Variants in ZMIZ2 observed in about 807,000 individuals in gnomAD.
The protein encoded by ZMIZ2 is zinc finger MIZ-type containing 2, also known as zinc finger MIZ domain-containing protein 2.
Under a neutral mutation model 93.9 loss-of-function variants are expected in ZMIZ2, and 26 were observed. The ratio of observed to expected loss-of-function variants is 0.28; its 90% confidence interval spans 0.20 to 0.38. ZMIZ2 has a LOEUF of 0.38. Among genes scored for constraint, ZMIZ2 ranks in the 10% least tolerant of loss-of-function variants. The pLI is 1.00. For missense variants in ZMIZ2, 1,023 were observed against 1,235.0 expected (o/e 0.83, Z 2.57); for synonymous variants, 485 against 516.4 (o/e 0.94, Z 0.82).
At chr7:44,752,128 C>T (rs997097646) in intron 1 of ZMIZ2, among the ~76,000 whole-genome samples, 5 of 151,070 alleles carry the variant, frequency 3.3e-5, no homozygotes, top group Non-Finnish European at 5.9e-5. Flanking sequence ...CAGCCTGTTG[C>T]CTTCTATTTT....
Position 44,766,646 on chromosome 7 carries a change from C to G in ZMIZ2, c.2638C>G (p.Pro880Ala). Residue 880 changes from proline (P) to alanine (A), a missense_variant, in exon 18 of 19, where the codon CCA (proline) becomes GCA (alanine). Around this residue, in one of 3 missense-constraint regions of ZMIZ2, gnomAD observed 319 missense variants for 358.8 expected, o/e 0.89. Transcript: ENST00000309315. This position sits in a 1 kb window ranked among gnomAD's most constrained non-coding sequence, Gnocchi z 4.4. Reference protein sequence around the residue: ...PPSMSGAGEAPEPALDLLPEL... With the variant: ...PPSMSGAGEAAEPALDLLPEL... ...CAGCATGTCTGGAGCCGGGGAGGCC[C>G]CAGAACCAGCTCTGGACGTGAGTAC... The G allele has an allele frequency of 1.2e-6, 2 of 1,613,100 alleles. No individual in the cohort carries two copies. The highest frequency in any genetic ancestry group is 1.7e-6 in the Non-Finnish European group (2 of 1,179,990).
At chr7:44,758,463 C>A (rs1262919182) in intron 6 of ZMIZ2, among the ~76,000 whole-genome samples, 1 of 149,112 alleles carries the variant, frequency 6.7e-6, no homozygotes, top group African/African-American at 2.5e-5. Flanking sequence ...AGGAGTGAGA[C>A]CCTGTTTCAA....
chr7:44,762,321 G>A (rs1207709191), intron 11 of ZMIZ2, among the ~76,000 whole-genome samples: 1 of 152,214 alleles, frequency 6.6e-6, no homozygotes, highest in East Asian at 1.9e-4. Context: ...TTATGTAAGA[G>A]AAACCAGGAT....
intron 1 of ZMIZ2, chr7:44,751,099 C>T (rs1451078555): frequency 1.3e-5 from 2 of 152,332 alleles, no homozygotes; most frequent in South Asian, 2.1e-4. Flanking sequence ...AGAGTAAGCT[C>T]AGAGGGAACT....
intron 1 of ZMIZ2, among the ~76,000 whole-genome samples, chr7:44,755,496 G>T (rs1177385334): frequency 6.6e-6 from 1 of 152,170 alleles, no homozygotes; most frequent in African/African-American, 2.4e-5. Flanking sequence ...CCTAAAGAGG[G>T]CCTTCTTGTT....
At chr7:44,764,759 C>T (rs1213580142) in intron 14 of ZMIZ2, among the ~76,000 whole-genome samples, 182 bp from the exon 15 acceptor site, 1 of 152,212 alleles carries the variant, frequency 6.6e-6, no homozygotes. Context: ...GTCAGTCACA[C>T]AGGGTCACCT....
Position 44,763,480 on chromosome 7 carries a change from G to T in ZMIZ2, c.1860+67G>T. Reference sequence around the variant, plus strand: ...TAAAATATCTTGAGTCGATACATCAGTGTCATTCTCTGGACAGACGTGAAC... The same window carrying T: ...TAAAATATCTTGAGTCGATACATCATTGTCATTCTCTGGACAGACGTGAAC... On this transcript the variant is annotated intron_variant, in intron 13 of 18. Coordinates refer to ENST00000309315, the MANE Select transcript of ZMIZ2 (RefSeq NM_031449.4). This position sits in a 1 kb window ranked among gnomAD's most constrained non-coding sequence, Gnocchi z 5.6. 6.3e-7 allele frequency: 1 copy of T among 1,588,618 alleles called. No individual in the cohort carries two copies.
At chr7:44,758,285 G>A (rs944379510) in intron 6 of ZMIZ2, among the ~76,000 whole-genome samples, 177 bp downstream of exon 6, 2 of 152,108 alleles carry the variant, frequency 1.3e-5, no homozygotes, top group African/African-American at 2.4e-5. Flanking sequence ...TTTGAGACCA[G>A]CCTGGGCAAC....
At chr7:44,759,062 A>G (rs1790887943) in intron 6 of ZMIZ2, among the ~76,000 whole-genome samples, 1 of 148,838 alleles carries the variant, frequency 6.7e-6, no homozygotes, top group African/African-American at 2.5e-5. Context: ...AGCCTGGGCA[A>G]CAGAGTGAGA....
Position 44,763,180 on chromosome 7 carries a change from G to T in ZMIZ2, c.1703-76G>T. On this transcript the variant is annotated intron_variant, in intron 12 of 18. Coordinates refer to ENST00000309315, the MANE Select transcript of ZMIZ2 (RefSeq NM_031449.4). This position sits in a 1 kb window ranked among gnomAD's most constrained non-coding sequence, Gnocchi z 5.6. ...TCAGTGGGTCAGTGACTGGGTCCCT[G>T]CCTCGTTGGCATCCCCATTCACACC... The T allele has an allele frequency of 6.4e-7, 1 of 1,570,966 alleles. No individual in the cohort carries two copies.
chr7:44,754,184 T>C (rs1231114828), intron 1 of ZMIZ2, among the ~76,000 whole-genome samples: 5 of 152,216 alleles, frequency 3.3e-5, no homozygotes, highest in Non-Finnish European at 7.3e-5. Flanking sequence ...AACATCACTA[T>C]TCCTGAGTCA....
Position 44,763,567 on chromosome 7 carries a change from C to G in ZMIZ2, c.1860+154C>G. 2.0e-6 allele frequency: 2 copies of G among 1,017,682 alleles called. No individual in the cohort carries two copies. The highest frequency in any genetic ancestry group is 2.8e-6 in the Non-Finnish European group (2 of 708,064). The allele number at this position is 1,017,682 out of a possible 1,614,324, so 63.0% of individuals were successfully genotyped here. ...CTCCCACGCCAAGGAGGCAGGTGGG[C>G]CTGGCTCCCCCAAGACTAGGCTATT... On this transcript the variant is annotated intron_variant, in intron 13 of 18. Coordinates refer to ENST00000309315, the MANE Select transcript of ZMIZ2 (RefSeq NM_031449.4). The surrounding 1 kb of genome is among the most constrained non-coding windows in gnomAD (Gnocchi z 5.6).
Position 44,763,123 on chromosome 7 carries a change from A to C in ZMIZ2, c.1703-133A>C. On this transcript the variant is annotated intron_variant, in intron 12 of 18. Coordinates refer to ENST00000309315, the MANE Select transcript of ZMIZ2 (RefSeq NM_031449.4). The surrounding 1 kb of genome is among the most constrained non-coding windows in gnomAD (Gnocchi z 5.6). ...GGACAGGTGGCTCTGCAGTAGGGGC[A>C]GTGGTTAGTTCCAGGTGGCCCCTCA... The C allele has an allele frequency of 6.9e-7, 1 of 1,440,198 alleles. No individual in the cohort carries two copies. The highest frequency in any genetic ancestry group is 9.5e-7 in the Non-Finnish European group (1 of 1,047,948). The allele number at this position is 1,440,198 out of a possible 1,614,324, so 89.2% of individuals were successfully genotyped here.
chr7:44,765,607 TCA>T lies in ZMIZ2; in HGVS notation c.2242+29_2242+30del. ...AAGTACAGCAGGCTAGCCTTGAACCTCAGATGACCCTGGGCATATGGCTCCTC... is the reference window on the plus strand; with the variant it reads ...AAGTACAGCAGGCTAGCCTTGAACCTGATGACCCTGGGCATATGGCTCCTC... On this transcript the variant is annotated intron_variant, in intron 16 of 18. Coordinates refer to ENST00000309315, the MANE Select transcript of ZMIZ2 (RefSeq NM_031449.4). This position sits in a 1 kb window ranked among gnomAD's most constrained non-coding sequence, Gnocchi z 4.1. The T allele has an allele frequency of 6.4e-7, 1 of 1,552,012 alleles. No homozygotes were observed. The highest frequency in any genetic ancestry group is 1.5e-5 in the African/African-American group (1 of 67,892).
intron 13 of ZMIZ2, among the ~76,000 whole-genome samples, chr7:44,764,143 C>A (rs1791466249): frequency 1.3e-5 from 2 of 152,062 alleles, no homozygotes; most frequent in Non-Finnish European, 2.9e-5. Context: ...TGTCTCGAAA[C>A]AAAACAAAAA....
chr7:44,749,677 C>A (rs1386234933), intron 1 of ZMIZ2: 1 of 152,620 alleles, frequency 6.6e-6, no homozygotes. Context: ...CCTTGTTTAC[C>A]CCTCCACCTA....
chr7:44,762,779 C>G lies in ZMIZ2; in HGVS notation c.1597-102C>G, dbSNP rs536684405. 8 of 802,118 alleles carry G rather than the reference C, an allele frequency of 1.0e-5. No homozygotes were observed. The Admixed American group carries it at 1.4e-4, about 14-fold the overall frequency. The allele number at this position is 802,118 out of a possible 1,614,324, so 49.7% of individuals were successfully genotyped here. A position where few individuals can be genotyped will look rare whatever the true frequency, so the allele number is the denominator to read the frequency against. On this transcript the variant is annotated intron_variant, in intron 11 of 18. Transcript: ENST00000309315. ...CCTGCCCTCAGCCTTGTCCCTCCCC[C>G]ACCTGGCAGCCCCTGACACACAACC...
Position 44,766,537 on chromosome 7 carries a change from G to A in ZMIZ2, c.2529G>A (p.Ala843=), listed in dbSNP as rs371215181. Residue 843 remains alanine, a synonymous_variant, in exon 18 of 19, where the codon GCG becomes GCA. Transcript: ENST00000309315. The surrounding 1 kb of genome is among the most constrained non-coding windows in gnomAD (Gnocchi z 4.4). ...TGCACCATTCAAACCCTCCCCCAGC[G>A]TCCCGGCAGTCCTTGGGCCAAGCGA... is the stretch of plus-strand genomic sequence containing the variant. The part of the protein sequence containing the change: ...PQLHHSNPPP[A]SRQSLGQASL... The A allele has an allele frequency of 1.6e-5, 26 of 1,614,040 alleles. No individual in the cohort carries two copies. Among genetic ancestry groups the A allele is most frequent in the Admixed American group, 5.0e-5 (3 of 60,024 alleles).
At position 44,763,276 on chromosome 7, in the gene ZMIZ2, G is replaced by C. The variant is rs758713337; in HGVS notation, c.1723G>C (p.Gly575Arg). The C allele has an allele frequency of 2.5e-6, 4 of 1,613,808 alleles. No individual in the cohort carries two copies. The highest frequency in any genetic ancestry group is 3.4e-6 in the Non-Finnish European group (4 of 1,179,992). The change falls in exon 13 of 19, where the codon GGC becomes CGC. Residue 575 changes from glycine to arginine, a missense_variant. Coordinates refer to ENST00000309315, the MANE Select transcript of ZMIZ2 (RefSeq NM_031449.4). The surrounding 1 kb of genome is among the most constrained non-coding windows in gnomAD (Gnocchi z 5.6). ...ITKIKRNFSS[G>R]TIPGTPGPNG... ...GTCAGTAAAGCGGAACTTCAGCAGCGGCACCATCCCTGGCACCCCTGGGCC... is the reference window on the plus strand; with the variant it reads ...GTCAGTAAAGCGGAACTTCAGCAGCCGCACCATCCCTGGCACCCCTGGGCC...
Sources: gnomAD v4.1 joint callset for allele counts (sites outside exome capture counted in the v4.1 genomes callset) on GRCh38, gnomAD v4.1.1 for gene constraint, gnomAD v4.1.1 regional missense constraint, Gnocchi (gnomAD v3.1) non-coding constraint, MANE v1.5 for transcripts, NCBI Gene and HGNC (gene_info 2026-07-23, HGNC 2026-07-21) for gene names.